Variants in DPYD observed in about 807,000 individuals in gnomAD.
DPYD encodes the protein dihydropyrimidine dehydrogenase.
Under a neutral mutation model 116.2 loss-of-function variants are expected in DPYD, and 109 were observed. The observed-to-expected ratio is 0.94, with a 90% CI of 0.80 to 1.10. The LOEUF is 1.10. DPYD is among the 50% of genes least tolerant of loss of function. The pLI is 0.00. For synonymous variants in DPYD, 440 were observed against 432.0 expected (o/e 1.02, Z -0.23); for missense variants, 1,302 against 1,254.5 (o/e 1.04, Z -0.57).
chr1:97,731,543 T>C (rs1387433928), intron 4 of DPYD, among the ~76,000 whole-genome samples: 1 of 152,072 alleles, frequency 6.6e-6, no homozygotes, highest in Admixed American at 6.6e-5. Context: ...TTTTATATTT[T>C]AATAATATTT....
chr1:97,792,745 T>A (rs969413698), intron 3 of DPYD, among the ~76,000 whole-genome samples: 1 of 152,086 alleles, frequency 6.6e-6, no homozygotes, highest in Non-Finnish European at 1.5e-5. Context: ...TTAGTTCTTG[T>A]CCTCCCAAAA....
chr1:97,096,645 C>A (rs967028690), intron 21 of DPYD, among the ~76,000 whole-genome samples: 2 of 152,092 alleles, frequency 1.3e-5, no homozygotes, highest in African/African-American at 4.8e-5. Flanking sequence ...CTGTAAAATG[C>A]ACAAATCAGT....
At chr1:97,258,196 C>T (rs908227315) in intron 18 of DPYD, among the ~76,000 whole-genome samples, 1 of 152,120 alleles carries the variant, frequency 6.6e-6, no homozygotes, top group Non-Finnish European at 1.5e-5. Flanking sequence ...TCCTTGACCA[C>T]CTCTAATTCA....
intron 1 of DPYD, among the ~76,000 whole-genome samples, chr1:97,918,050 T>C (rs1280047887): frequency 6.6e-6 from 1 of 152,148 alleles, no homozygotes; most frequent in Non-Finnish European, 1.5e-5. Context: ...ATTAAAGTCA[T>C]CGTTGACAAA....
chr1:97,637,546 A>C (rs1264092466), intron 8 of DPYD, among the ~76,000 whole-genome samples: 2 of 152,002 alleles, frequency 1.3e-5, no homozygotes, highest in Non-Finnish European at 2.9e-5. Context: ...AAGCACCCAG[A>C]AAACCAGGCA....
intron 2 of DPYD, among the ~76,000 whole-genome samples, chr1:97,863,616 C>T (rs903449341): frequency 1.6e-4 from 24 of 151,934 alleles, no homozygotes; most frequent in Middle Eastern, 3.4e-3. Flanking sequence ...GTACTGCCCA[C>T]AAATCAGTTA....
At chr1:97,251,912 C>T (rs932329672) in intron 18 of DPYD, among the ~76,000 whole-genome samples, 16 of 152,080 alleles carry the variant, frequency 1.1e-4, no homozygotes, top group Admixed American at 7.9e-4. Context: ...TCAAAAAATG[C>T]CATCAACTGA....
At chr1:97,541,015 G>A (rs1042150493) in intron 12 of DPYD, among the ~76,000 whole-genome samples, 2 of 152,096 alleles carry the variant, frequency 1.3e-5, no homozygotes, top group South Asian at 4.1e-4. Context: ...AGAAACTGAG[G>A]TCCTCTACAT....
intron 18 of DPYD, among the ~76,000 whole-genome samples, chr1:97,237,901 T>C (rs1662061725): frequency 6.6e-6 from 1 of 152,158 alleles, no homozygotes; most frequent in South Asian, 2.1e-4. Context: ...AATAATTTAT[T>C]TCTACCTCCA....
At chr1:97,241,366 T>C (rs1662327680) in intron 18 of DPYD, among the ~76,000 whole-genome samples, 1 of 152,026 alleles carries the variant, frequency 6.6e-6, no homozygotes, top group Non-Finnish European at 1.5e-5. Flanking sequence ...TCATGTACAC[T>C]GTGTACTTTA....
chr1:97,442,850 G>T (rs1316670903), intron 14 of DPYD, among the ~76,000 whole-genome samples: 1 of 152,128 alleles, frequency 6.6e-6, no homozygotes, highest in Non-Finnish European at 1.5e-5. Context: ...TACACATGCT[G>T]TTACCTTTGA....
chr1:97,598,639 CGAAG>C (rs1418885675), intron 8 of DPYD, among the ~76,000 whole-genome samples: 5 of 150,760 alleles, frequency 3.3e-5, no homozygotes, highest in Non-Finnish European at 5.9e-5. Flanking sequence ...GAGGGAGGAA[CGAAG>C]GAAGGAAGGA....
At chr1:97,231,359 G>C (rs1273551852) in intron 19 of DPYD, among the ~76,000 whole-genome samples, 1 of 152,178 alleles carries the variant, frequency 6.6e-6, no homozygotes, top group Non-Finnish European at 1.5e-5. Context: ...TGCTATTAAA[G>C]ACACACCTAA....
chr1:97,811,608 A>G (rs1385964337), intron 3 of DPYD, among the ~76,000 whole-genome samples: 1 of 152,166 alleles, frequency 6.6e-6, no homozygotes, highest in Non-Finnish European at 1.5e-5. Context: ...TTGCACATAA[A>G]AAATAACTTT....
rs752102711 is a variant in DPYD at position 97,098,633 on chromosome 1, C to T, written c.2623-1G>A. On this transcript the variant is annotated splice_acceptor_variant, in intron 20 of 22. Transcript: ENST00000370192. LOFTEE classifies it high-confidence loss of function. ...GATAAGGTCCAAAACTTGGCAGTTT[C>T]TAAAAGGAAAACACACAAATAAGGA... 6.2e-7 allele frequency: 1 copy of T among 1,612,428 alleles called. No individual in the cohort carries two copies. Among genetic ancestry groups the T allele is most frequent in the Non-Finnish European group, 8.5e-7 (1 of 1,179,176 alleles).
chr1:97,864,288 A>G (rs1350580866), intron 2 of DPYD, among the ~76,000 whole-genome samples: 1 of 151,932 alleles, frequency 6.6e-6, no homozygotes, highest in Non-Finnish European at 1.5e-5. Flanking sequence ...AGAGTGGGCT[A>G]TATTAGAGGG....
chr1:97,911,069 T>C (rs1444839748), intron 1 of DPYD, among the ~76,000 whole-genome samples: 1 of 152,120 alleles, frequency 6.6e-6, no homozygotes, highest in Non-Finnish European at 1.5e-5. Context: ...CCTAATTGTT[T>C]ATTTAAAAAA....
At chr1:97,677,065 A>T (rs1313834362) in intron 8 of DPYD, among the ~76,000 whole-genome samples, 2 of 152,188 alleles carry the variant, frequency 1.3e-5, no homozygotes, top group Admixed American at 1.3e-4. Flanking sequence ...ACTTAAGGGG[A>T]CTTAATAGTA....
intron 3 of DPYD, among the ~76,000 whole-genome samples, chr1:97,747,851 G>T (rs1034387510): frequency 6.6e-6 from 1 of 152,150 alleles, no homozygotes; most frequent in Non-Finnish European, 1.5e-5. Flanking sequence ...ATTAGGCAAA[G>T]GACTTAAACT....
Sources: allele counts gnomAD v4.1 joint callset (sites outside exome capture counted in the v4.1 genomes callset), GRCh38; gene constraint gnomAD v4.1.1; transcripts MANE v1.5; gene names NCBI Gene and HGNC (gene_info 2026-07-23, HGNC 2026-07-21).